The following BTBD8 variants were observed in gnomAD, a reference collection of about 807,000 sequenced individuals.
BTBD8 encodes the protein BTB/POZ domain-containing protein 8.
A neutral mutation model predicts 162.9 loss-of-function variants in BTBD8; 110 were observed. The observed-to-expected ratio is 0.68, with a 90% CI of 0.58 to 0.79. BTBD8 has a LOEUF of 0.79. Ranked by LOEUF, BTBD8 falls within the 30% of genes least tolerant of loss-of-function variation. BTBD8 has a pLI of 0.00. For missense variants in BTBD8, 1,905 were observed against 2,085.4 expected (o/e 0.91, Z 1.68); for synonymous variants, 667 against 716.1 (o/e 0.93, Z 1.10).
chr1:92,138,123 C>T (rs990229007), intron 5 of BTBD8, among the ~76,000 whole-genome samples: 6 of 152,170 alleles, frequency 3.9e-5, no homozygotes, highest in African/African-American at 1.4e-4. Context: ...CTTAGGGTTA[C>T]AGCAGGCTGT....
Position 92,168,886 on chromosome 1 carries a change from G to C in BTBD8, c.1464G>C (p.Gln488His). Residue 488 changes from glutamine to histidine, a missense_variant, in exon 12 of 18, where the codon CAG becomes CAC. By Grantham distance (24) the Gln-to-His change is conservative. Around this residue, in one of 3 missense-constraint regions of BTBD8, gnomAD observed 1,374 missense variants for 1,442.7 expected, o/e 0.95. Coordinates refer to ENST00000636805, the MANE Select transcript of BTBD8 (RefSeq NM_001376131.1). ...TKEMGFTCKI[Q>H]ALRDKLWIFL... ...CACAGGGTTTTACGTGCAAGATCCA[G>C]GCTCTGCGTGATAAGCTGTGGATCT... is the stretch of plus-strand genomic sequence containing the variant. 1 of 1,537,236 alleles carries C rather than the reference G, an allele frequency of 6.5e-7. No individual in the cohort carries two copies. Among genetic ancestry groups the C allele is most frequent in the Non-Finnish European group, 8.8e-7 (1 of 1,136,070 alleles).
chr1:92,184,343 T>A lies in BTBD8; in HGVS notation c.*13T>A. The A allele has an allele frequency of 6.7e-7, 1 of 1,501,054 alleles. No individual in the cohort carries two copies. Among genetic ancestry groups the A allele is most frequent in the Non-Finnish European group, 8.9e-7 (1 of 1,118,598 alleles). The allele number at this position is 1,501,054 out of a possible 1,614,324, so 93.0% of individuals were successfully genotyped here. A position where few individuals can be genotyped will look rare whatever the true frequency, so the allele number is the denominator to read the frequency against. The stretch of plus-strand genomic sequence containing the variant: ...AACTCAGCATTAAGTGTTAACATTT[T>A]GGAAAAATTTATGCCACTCCTTTAT... On this transcript the variant is annotated 3_prime_UTR_variant, in exon 18 of 18. Coordinates refer to ENST00000636805, the MANE Select transcript of BTBD8 (RefSeq NM_001376131.1).
chr1:92,129,866 A>G (rs1649467886), intron 5 of BTBD8, 90 bp downstream of exon 5: 1 of 1,081,952 alleles, frequency 9.2e-7, no homozygotes, highest in African/African-American at 1.6e-5. Flanking sequence ...ATTTCCCTGG[A>G]TGTTCAAGGA....
chr1:92,184,139 A>C lies in BTBD8; in HGVS notation c.5188A>C (p.Asn1730His), dbSNP rs745832436. 3 of 1,551,522 alleles carry C rather than the reference A, an allele frequency of 1.9e-6. No individual in the cohort carries two copies. Among genetic ancestry groups the C allele is most frequent in the Non-Finnish European group, 2.6e-6 (3 of 1,146,882 alleles). The change falls in exon 18 of 18, where the codon AAT (asparagine) becomes CAT (histidine). Residue 1730 changes from asparagine to histidine, a missense_variant. This residue lies in a region of BTBD8 where 517 missense variants were observed against 606.6 expected (regional missense o/e 0.85). Coordinates refer to ENST00000636805, the MANE Select transcript of BTBD8 (RefSeq NM_001376131.1). ...EDLSLAQYLI[N>H]QTLLLARDSS... ...CTTAAGTTTAGCACAGTATCTAATC[A>C]ATCAGACACTACTTTTAGCACGAGA... is the stretch of plus-strand genomic sequence containing the variant.
intron 16 of BTBD8, 100 bp downstream of exon 16, chr1:92,178,551 AT>A (rs1324497250): frequency 2.3e-6 from 2 of 886,944 alleles, no homozygotes; most frequent in Non-Finnish European, 3.4e-6. Context: ...TAAGCAAAAT[AT>A]GGTTTTACTC....
In BTBD8 at chr1:92,080,390, C is replaced by T. The variant is rs2101885906; in HGVS notation, c.-182C>T. The T allele has an allele frequency of 2.4e-6, 2 of 825,504 alleles. No individual in the cohort carries two copies. The highest frequency in any genetic ancestry group is 3.6e-5 in the African/African-American group (2 of 55,528). 51.1% of individuals were successfully genotyped at this position (825,504 alleles called of 1,614,324 possible). ...CTCGGTTCTGGGATTCTGAGGCTCC[C>T]CACCGCGGTCCGGCTTCTCTGGGAG... On this transcript the variant is annotated 5_prime_UTR_variant, in exon 1 of 18. Coordinates refer to ENST00000636805, the MANE Select transcript of BTBD8 (RefSeq NM_001376131.1).
chr1:92,142,376 G>C (rs78801089), intron 7 of BTBD8, among the ~76,000 whole-genome samples: 2,811 of 152,256 alleles, frequency 0.018, 91 homozygotes, highest in African/African-American at 0.063. Context: ...TCCCCTAGAT[G>C]AACATTAACT....
chr1:92,162,289 C>T (rs780159437), intron 9 of BTBD8, among the ~76,000 whole-genome samples: 1 of 152,214 alleles, frequency 6.6e-6, no homozygotes, highest in Non-Finnish European at 1.5e-5. Context: ...ACATGAGATA[C>T]CTGCAGCTCA....
rs1337365830 is a variant in BTBD8, at chr1:92,180,259, T to C, written c.2582-6T>C. The C allele has an allele frequency of 3.9e-6, 6 of 1,522,222 alleles. No homozygotes were observed. The highest frequency in any genetic ancestry group is 3.5e-6 in the Non-Finnish European group (4 of 1,136,330). The allele number at this position is 1,522,222 out of a possible 1,614,324, so 94.3% of individuals were successfully genotyped here. On this transcript the variant is annotated splice_polypyrimidine_tract_variant and splice_region_variant and intron_variant, in intron 16 of 17. Coordinates refer to ENST00000636805, the MANE Select transcript of BTBD8 (RefSeq NM_001376131.1). ...ATTACTGAATATACCCTCTTACTTT[T>C]CTTAGGATCCCAAGGAGAGTCACCA...
chr1:92,104,874 AT>A (rs1314718060), intron 3 of BTBD8, among the ~76,000 whole-genome samples: 1 of 151,288 alleles, frequency 6.6e-6, no homozygotes. Flanking sequence ...GTATTCTGTA[AT>A]TTTTTTGAGC....
At chr1:92,115,088 G>A (rs1648998423) in intron 4 of BTBD8, 2 of 423,354 alleles carry the variant, frequency 4.7e-6, no homozygotes, top group South Asian at 3.8e-5. Flanking sequence ...TGACTAACAT[G>A]TTGGCAGTGG....
chr1:92,112,559 A>C (rs2101911668), intron 4 of BTBD8, among the ~76,000 whole-genome samples: 1 of 152,338 alleles, frequency 6.6e-6, no homozygotes, highest in Admixed American at 6.5e-5. Flanking sequence ...TTAGAGTAAA[A>C]TTATAGTATA....
At chr1:92,170,032 A>C (rs1650491006) in intron 12 of BTBD8, among the ~76,000 whole-genome samples, 1 of 152,164 alleles carries the variant, frequency 6.6e-6, no homozygotes, top group African/African-American at 2.4e-5. Flanking sequence ...TAACAAGATA[A>C]GATCAGCATT....
intron 16 of BTBD8, 90 bp from the exon 17 acceptor site, chr1:92,180,175 T>A (rs1243057589): frequency 4.4e-6 from 4 of 918,966 alleles, no homozygotes; most frequent in Non-Finnish European, 6.4e-6. Flanking sequence ...TTTTATTTTT[T>A]CTGAAGTAAT....
chr1:92,110,208 A>G (rs1648852317), intron 4 of BTBD8, among the ~76,000 whole-genome samples: 1 of 152,226 alleles, frequency 6.6e-6, no homozygotes, highest in Non-Finnish European at 1.5e-5. Flanking sequence ...TTGTGGTGGC[A>G]CAACTAAGCC....
intron 12 of BTBD8, among the ~76,000 whole-genome samples, chr1:92,170,118 T>G (rs141891663): frequency 6.6e-6 from 1 of 152,154 alleles, no homozygotes; most frequent in African/African-American, 2.4e-5. Context: ...GATTTCATAG[T>G]TAAGTTGAGC....
chr1:92,109,651 T>G (rs1648837874), intron 4 of BTBD8, among the ~76,000 whole-genome samples: 1 of 152,252 alleles, frequency 6.6e-6, no homozygotes, highest in Non-Finnish European at 1.5e-5. Context: ...TAGCCAATTT[T>G]AAATTATAAG....
At chr1:92,134,643 C>T (rs1295000940) in intron 5 of BTBD8, among the ~76,000 whole-genome samples, 2 of 152,140 alleles carry the variant, frequency 1.3e-5, no homozygotes, top group Admixed American at 6.6e-5. Context: ...CTTCATGGCA[C>T]TTTGACTATC....
chr1:92,154,789 C>G (rs1650121858), intron 9 of BTBD8, among the ~76,000 whole-genome samples: 1 of 152,002 alleles, frequency 6.6e-6, no homozygotes, highest in Admixed American at 6.6e-5. Flanking sequence ...TGTAGTTTCA[C>G]TCGTTTATGT....
Sources: gnomAD v4.1 joint callset for allele counts (sites outside exome capture counted in the v4.1 genomes callset) on GRCh38, gnomAD v4.1.1 for gene constraint, gnomAD v4.1.1 regional missense constraint, MANE v1.5 for transcripts, NCBI Gene and HGNC (gene_info 2026-07-23, HGNC 2026-07-21) for gene names.